Variants in TPRA1 observed in about 807,000 individuals in gnomAD.
TPRA1 encodes the protein transmembrane protein adipocyte-associated 1.
Under a neutral mutation model 40.1 loss-of-function variants are expected in TPRA1, and 28 were observed. That is an observed-to-expected ratio of 0.70 (90% CI 0.52 to 0.96). The LOEUF (loss-of-function observed/expected upper bound fraction) is 0.96. Among genes scored for constraint, TPRA1 ranks in the 40% least tolerant of loss-of-function variants. The pLI, the probability that TPRA1 is intolerant of heterozygous loss-of-function variation, is 0.00. For missense variants in TPRA1, 441 were observed against 482.6 expected, an observed-to-expected ratio of 0.91 and a Z score of 0.81; for synonymous variants, 219 against 209.7, an observed-to-expected ratio of 1.04 and a Z score of -0.38.
At chr3:127,590,038 C>G (rs1447439274) in intron 1 of TPRA1, among the ~76,000 whole-genome samples, 3 of 152,220 alleles carry the variant, frequency 2.0e-5, no homozygotes, top group Admixed American at 2.0e-4. Context: ...GCACCTCGGC[C>G]GCTGCGGGCA....
intron 1 of TPRA1, among the ~76,000 whole-genome samples, chr3:127,584,447 TAAAAAAAAAAAAA>T (rs1163065087): frequency 0.17 from 3,618 of 20,964 alleles, 136 homozygotes; most frequent in Non-Finnish European, 0.21. Flanking sequence ...AGACCCTGTC[TAAAAAAAAAAAAA>T]AAAAAAAAAA....
chr3:127,575,324 C>T, intron 9 of TPRA1, 59 bp from the exon 10 acceptor site: 1 of 1,587,890 alleles, frequency 6.3e-7, no homozygotes. Context: ...CCACACCTCC[C>T]CATGCCCCCA....
intron 1 of TPRA1, among the ~76,000 whole-genome samples, chr3:127,589,807 G>A (rs116591219): frequency 0.013 from 1,991 of 152,242 alleles, 37 homozygotes; most frequent in African/African-American, 0.042. Flanking sequence ...GGCCTGGCAC[G>A]ACACGAGCCC....
chr3:127,586,904 CG>C (rs2074018965), intron 1 of TPRA1, among the ~76,000 whole-genome samples: 1 of 152,056 alleles, frequency 6.6e-6, no homozygotes, highest in African/African-American at 2.4e-5. Context: ...GTATGGAGGG[CG>C]GGGTGGGCTT....
chr3:127,577,733 C>A (rs1443042767), intron 3 of TPRA1, among the ~76,000 whole-genome samples: 1 of 152,188 alleles, frequency 6.6e-6, no homozygotes. Context: ...TCCCTTCTCA[C>A]CCCCACTTCG....
chr3:127,593,238 CAG>C (rs1390947253), upstream of TPRA1, among the ~76,000 whole-genome samples: 1 of 152,186 alleles, frequency 6.6e-6, no homozygotes, highest in Non-Finnish European at 1.5e-5. Context: ...GCTTAATAAA[CAG>C]ATCTGACTCT....
At chr3:127,590,926 G>A (rs1214224670), upstream of TPRA1, 1 of 152,294 alleles carries the variant, frequency 6.6e-6, no homozygotes, top group Non-Finnish European at 1.5e-5. Flanking sequence ...ACAAGACGCT[G>A]CTTCACGGAA....
At chr3:127,587,960 A>G (rs1206891508) in intron 1 of TPRA1, 4 of 152,458 alleles carry the variant, frequency 2.6e-5, no homozygotes, top group African/African-American at 9.7e-5. Context: ...CCCTGCCAAC[A>G]ACGTAGTAAC....
upstream of TPRA1, chr3:127,591,167 C>T (rs1230741213): frequency 1.3e-5 from 2 of 152,136 alleles, no homozygotes; most frequent in African/African-American, 2.4e-5. Context: ...GCAGGGGTGA[C>T]CTGGGGTCAG....
chr3:127,584,639 A>G (rs2107653469), intron 1 of TPRA1, among the ~76,000 whole-genome samples: 1 of 152,114 alleles, frequency 6.6e-6, no homozygotes, highest in South Asian at 2.1e-4. Flanking sequence ...TCCCAGCACA[A>G]TGGGGACCTT....
rs1047890687 is a variant in TPRA1, at chr3:127,590,502, G to C, written c.-110C>G. ...GGTGTGCGCGGATCCAGCACAGGCC[G>C]CGGGACTCCGGCCTCCAGCGCCAGA... On this transcript the variant is annotated 5_prime_UTR_variant, in exon 1 of 11. Transcript: ENST00000355552. 2 of 152,260 alleles carry C rather than the reference G, an allele frequency of 1.3e-5. No homozygotes were observed. The highest frequency in any genetic ancestry group is 2.9e-5 in the Non-Finnish European group (2 of 68,064). The allele number at this position is 152,260 out of a possible 1,614,324, so 9.4% of individuals were successfully genotyped here. A position where few individuals can be genotyped will look rare whatever the true frequency, so the allele number is the denominator to read the frequency against.
chr3:127,575,887 C>G, intron 7 of TPRA1, 53 bp downstream of exon 7: 2 of 1,609,582 alleles, frequency 1.2e-6, no homozygotes, highest in Non-Finnish European at 1.7e-6. Flanking sequence ...GAATCCAATC[C>G]CTACCTGGCC....
In TPRA1 at chr3:127,575,165, G is replaced by A. The variant is rs1434739463; in HGVS notation, c.854+20C>T. On this transcript the variant is annotated intron_variant, in intron 10 of 10. Transcript: ENST00000355552. ...GTTCCGCCGGCAGCCACGCGGGGGC[G>A]CCGGCGGCCACAGACTCACCCGAAG... The A allele has an allele frequency of 1.9e-6, 3 of 1,610,776 alleles. No homozygotes were observed. Among genetic ancestry groups the A allele is most frequent in the Non-Finnish European group, 1.7e-6 (2 of 1,179,032 alleles).
At chr3:127,597,026 G>T (rs904079432) in intron 1 of TPRA1, among the ~76,000 whole-genome samples, 7 of 152,022 alleles carry the variant, frequency 4.6e-5, no homozygotes, top group African/African-American at 1.7e-4. Context: ...TAAGGCACGA[G>T]AATCGCTTGA....
At chr3:127,582,502 A>G (rs1405393970) in intron 1 of TPRA1, among the ~76,000 whole-genome samples, 4 of 151,584 alleles carry the variant, frequency 2.6e-5, no homozygotes, top group African/African-American at 9.7e-5. Context: ...GGAGTTCAAG[A>G]CAAGCCTGGC....
intron 1 of TPRA1, among the ~76,000 whole-genome samples, chr3:127,589,819 C>T (rs1451653602): frequency 3.3e-5 from 5 of 152,212 alleles, no homozygotes; most frequent in Admixed American, 6.5e-5. Flanking sequence ...CACGAGCCCT[C>T]AACAGGTTGT....
chr3:127,574,972 G>A, intron 10 of TPRA1: 1 of 601,830 alleles, frequency 1.7e-6, no homozygotes. Context: ...GTGTGCATGT[G>A]CACGTGTCCA....
rs926044155 is a variant in TPRA1 at position 127,580,256 on chromosome 3, G to A, written c.-17-93C>T. On this transcript the variant is annotated intron_variant, in intron 1 of 10. Coordinates refer to ENST00000355552, the MANE Select transcript of TPRA1 (RefSeq NM_001136053.4). ...GGACTCCCAGGGGAAAATCAGAGGGGCTGCACAGAGCACCCCTGTAAACCA... is the reference window on the plus strand; with the variant it reads ...GGACTCCCAGGGGAAAATCAGAGGGACTGCACAGAGCACCCCTGTAAACCA... 3.5e-6 allele frequency: 5 copies of A among 1,417,918 alleles called. No homozygotes were observed. In the Admixed American group the frequency reaches 1.1e-4, roughly 31 times the overall value. 87.8% of individuals were successfully genotyped at this position (1,417,918 alleles called of 1,614,324 possible).
intron 1 of TPRA1, among the ~76,000 whole-genome samples, chr3:127,596,080 A>G (rs2074237426): frequency 6.6e-6 from 1 of 151,744 alleles, no homozygotes; most frequent in African/African-American, 2.4e-5. Flanking sequence ...AAATCCCAGG[A>G]TAATTTTTTT....
Sources: gnomAD v4.1 joint callset for allele counts (sites outside exome capture counted in the v4.1 genomes callset) on GRCh38, gnomAD v4.1.1 for gene constraint, MANE v1.5 for transcripts, NCBI Gene and HGNC (gene_info 2026-07-23, HGNC 2026-07-21) for gene names.